Variants in GRIA3 observed in about 807,000 individuals in gnomAD.
GRIA3 encodes the protein glutamate ionotropic receptor AMPA type subunit 3, also known as glutamate receptor 3.
In GRIA3, 3 loss-of-function variants were observed where a neutral mutation model predicts 63.0. That is an observed-to-expected ratio of 0.05 (90% CI 0.02 to 0.12). GRIA3 has a LOEUF of 0.12. Ranked by LOEUF, GRIA3 falls within the 10% of genes least tolerant of loss-of-function variation. The pLI, the probability that GRIA3 is intolerant of heterozygous loss-of-function variation, is 1.00. For missense variants in GRIA3, 347 were observed against 700.9 expected (o/e 0.50, Z 5.70); for synonymous variants, 274 against 257.9 (o/e 1.06, Z -0.60).
intron 5 of GRIA3, among the ~76,000 whole-genome samples, chrX:123,364,964 G>A (rs2045200986): frequency 8.9e-6 from 1 of 112,215 alleles, no homozygotes; most frequent in Non-Finnish European, 1.9e-5. Context: ...AGGCTAGGGG[G>A]TGAGGAGAGA....
chrX:123,454,973 G>A (rs1212802985), intron 12 of GRIA3, among the ~76,000 whole-genome samples: 1 of 111,847 alleles, frequency 8.9e-6, no homozygotes, highest in Non-Finnish European at 1.9e-5. Context: ...CCTTTGGAAA[G>A]GAGACATCAG....
chrX:123,387,680 A>G (rs1233740015), intron 5 of GRIA3, among the ~76,000 whole-genome samples: 3 of 112,070 alleles, frequency 2.7e-5, no homozygotes, highest in East Asian at 5.6e-4. Context: ...TTCTGCGTCT[A>G]TTGAGATGAT....
At chrX:123,287,369 A>C (rs774159357) in intron 3 of GRIA3, among the ~76,000 whole-genome samples, 45 of 111,286 alleles carry the variant, frequency 4.0e-4, no homozygotes, top group African/African-American at 1.4e-3. Flanking sequence ...CAAGGATGCC[A>C]TCTCTCACCA....
At chrX:123,216,577 T>C (rs367691387) in intron 2 of GRIA3, among the ~76,000 whole-genome samples, 11 of 111,286 alleles carry the variant, frequency 9.9e-5, no homozygotes, top group African/African-American at 3.3e-4. Context: ...GGAGAGGCAG[T>C]GGTTGAGGAG....
chrX:123,301,168 T>C (rs952901129), intron 3 of GRIA3, among the ~76,000 whole-genome samples: 1 of 111,308 alleles, frequency 9.0e-6, no homozygotes, highest in Non-Finnish European at 1.9e-5. Context: ...GAGAGTTCTG[T>C]AGATATCTAT....
intron 5 of GRIA3, among the ~76,000 whole-genome samples, chrX:123,391,195 G>A (rs977452782): frequency 9.0e-6 from 1 of 111,390 alleles, no homozygotes; most frequent in Non-Finnish European, 1.9e-5. Context: ...TCCTTTGGAG[G>A]CAATGTATTT....
chrX:123,375,034 A>AT (rs1345543122), intron 5 of GRIA3, among the ~76,000 whole-genome samples: 2 of 110,536 alleles, frequency 1.8e-5, no homozygotes, highest in African/African-American at 6.6e-5. Flanking sequence ...AATGCTTTCC[A>AT]TTTTTTTTCC....
intron 5 of GRIA3, among the ~76,000 whole-genome samples, chrX:123,360,599 G>C (rs1440965778): frequency 1.9e-5 from 2 of 102,700 alleles, no homozygotes; most frequent in African/African-American, 7.2e-5. Context: ...GAGGGGCTGA[G>C]GCAGAAGAAT....
chrX:123,193,697 A>G (rs1200274298), intron 2 of GRIA3, among the ~76,000 whole-genome samples: 1 of 112,387 alleles, frequency 8.9e-6, no homozygotes, highest in Non-Finnish European at 1.9e-5. Flanking sequence ...TTAGTCTGAA[A>G]TTCCACAAAT....
chrX:123,410,065 T>C (rs1023363557), intron 10 of GRIA3, among the ~76,000 whole-genome samples: 2 of 112,038 alleles, frequency 1.8e-5, no homozygotes, highest in Non-Finnish European at 3.8e-5. Flanking sequence ...CTTATTTTGC[T>C]ATTTTTCATC....
At chrX:123,264,765 C>T (rs753391286) in intron 3 of GRIA3, among the ~76,000 whole-genome samples, 65 of 111,795 alleles carry the variant, frequency 5.8e-4, no homozygotes, top group South Asian at 1.9e-3. Context: ...AAGGTTGGGA[C>T]GGGGTGGAGA....
At chrX:123,484,800 T>C (rs1375561402) in intron 15 of GRIA3, among the ~76,000 whole-genome samples, 5 of 112,858 alleles carry the variant, frequency 4.4e-5, no homozygotes, top group African/African-American at 1.3e-4. Flanking sequence ...TGTTTTGGCC[T>C]TCTTATAGTT....
chrX:123,265,959 T>A (rs1343369624), intron 3 of GRIA3, among the ~76,000 whole-genome samples: 1 of 111,788 alleles, frequency 8.9e-6, no homozygotes, highest in African/African-American at 3.3e-5. Context: ...AACACACTTC[T>A]AGCAAGTTTT....
At chrX:123,465,195 T>C in intron 13 of GRIA3, 83 bp downstream of exon 13, 1 of 1,003,300 alleles carries the variant, frequency 1.0e-6, no homozygotes, top group Admixed American at 2.3e-5. Flanking sequence ...TTCTTTCTTG[T>C]GGATTTTGAG....
At chrX:123,337,374 C>T (rs112862135) in intron 4 of GRIA3, among the ~76,000 whole-genome samples, 18 of 111,852 alleles carry the variant, frequency 1.6e-4, no homozygotes, top group African/African-American at 5.5e-4. Flanking sequence ...GTTTTCATGC[C>T]TTTAATTATC....
intron 2 of GRIA3, among the ~76,000 whole-genome samples, chrX:123,210,955 C>A (rs921985393): frequency 5.4e-5 from 6 of 111,683 alleles, no homozygotes; most frequent in Non-Finnish European, 7.5e-5. Context: ...CATCTTGTTC[C>A]ATTTAATTTG....
intron 5 of GRIA3, among the ~76,000 whole-genome samples, chrX:123,364,595 T>C (rs745794790): frequency 1.6e-4 from 18 of 112,548 alleles, no homozygotes; most frequent in South Asian, 7.3e-4. Context: ...AACTACCATA[T>C]GATCCAGTAA....
chrX:123,366,415 T>C (rs1173125943), intron 5 of GRIA3, among the ~76,000 whole-genome samples: 1 of 111,478 alleles, frequency 9.0e-6, no homozygotes, highest in Non-Finnish European at 1.9e-5. Context: ...GGCAATGATA[T>C]TCCCGCTTAA....
chrX:123,202,660 C>T (rs1213312159), intron 2 of GRIA3: 9 of 1,166,697 alleles, frequency 7.7e-6, no homozygotes, highest in East Asian at 6.5e-5. Flanking sequence ...GACTACCTGC[C>T]TTGGCCAGGA....
Sources: gnomAD v4.1 joint callset for allele counts (sites outside exome capture counted in the v4.1 genomes callset) on GRCh38, gnomAD v4.1.1 for gene constraint, MANE v1.5 for transcripts, NCBI Gene and HGNC (gene_info 2026-07-23, HGNC 2026-07-21) for gene names.